Variants in TMEM209 observed in about 807,000 individuals in gnomAD.
TMEM209 encodes the protein testicular tissue protein Li 202.
Under a neutral mutation model 76.2 loss-of-function variants are expected in TMEM209, and 65 were observed. The observed-to-expected ratio is 0.85, with a 90% CI of 0.70 to 1.05. The LOEUF is 1.05. Ranked by LOEUF, TMEM209 falls within the 50% of genes least tolerant of loss-of-function variation. The pLI, the probability that TMEM209 is intolerant of heterozygous loss-of-function variation, is 0.00. For synonymous variants in TMEM209, 239 were observed against 237.6 expected, an observed-to-expected ratio of 1.01 and a Z score of -0.06; for missense variants, 623 against 685.5, an observed-to-expected ratio of 0.91 and a Z score of 1.02.
chr7:130,183,077 A>G (rs1055356590), intron 8 of TMEM209, among the ~76,000 whole-genome samples: 1 of 152,246 alleles, frequency 6.6e-6, no homozygotes, highest in Non-Finnish European at 1.5e-5. Flanking sequence ...AGATGAGGAA[A>G]TGTATTTGTA....
At chr7:130,200,114 CAGAT>C (rs1364127038) in intron 5 of TMEM209, among the ~76,000 whole-genome samples, 1 of 151,958 alleles carries the variant, frequency 6.6e-6, no homozygotes, top group East Asian at 1.9e-4. Context: ...AGGAGATAAA[CAGAT>C]AGGACTATTA....
chr7:130,194,853 C>T (rs1473139194), intron 5 of TMEM209, among the ~76,000 whole-genome samples: 1 of 152,088 alleles, frequency 6.6e-6, no homozygotes, highest in African/African-American at 2.4e-5. Context: ...GTCTTATTAT[C>T]ACTTCGTATT....
chr7:130,181,723 G>T lies in TMEM209; in HGVS notation c.1024-4C>A, dbSNP rs1797420600. 2 of 1,599,728 alleles carry T rather than the reference G, an allele frequency of 1.3e-6. No homozygotes were observed. The highest frequency in any genetic ancestry group is 1.7e-6 in the Non-Finnish European group (2 of 1,172,152). On this transcript the variant is annotated splice_polypyrimidine_tract_variant and splice_region_variant and intron_variant, in intron 8 of 14. Coordinates refer to ENST00000397622, the MANE Select transcript of TMEM209 (RefSeq NM_032842.4). ...CTAATATTGTCTCATTGATCCACTAGAAGAAATAAGGTACAGATTTTGGAT... is the reference window on the plus strand; with the variant it reads ...CTAATATTGTCTCATTGATCCACTATAAGAAATAAGGTACAGATTTTGGAT...
chr7:130,203,750 T>C (rs1456260733), intron 3 of TMEM209, 38 bp downstream of exon 3: 2 of 1,537,404 alleles, frequency 1.3e-6, no homozygotes, highest in Non-Finnish European at 1.8e-6. Flanking sequence ...CAGTTTTTTA[T>C]TGGTAAATGT....
intron 10 of TMEM209, 35 bp from the exon 11 acceptor site, chr7:130,175,644 A>C: frequency 6.6e-7 from 1 of 1,521,480 alleles, no homozygotes; most frequent in Non-Finnish European, 8.9e-7. Context: ...AAAAGCTAAG[A>C]GTATGCAAAA....
chr7:130,173,774 G>A, intron 12 of TMEM209, 45 bp from the exon 13 acceptor site: 1 of 1,605,556 alleles, frequency 6.2e-7, no homozygotes, highest in Non-Finnish European at 8.5e-7. Context: ...CAAACCCCCA[G>A]AGATATTTTG....
rs1350136181 is a variant in TMEM209 at position 130,165,808 on chromosome 7, AG to A, written c.*642del. 2.0e-5 allele frequency: 3 copies of A among 152,018 alleles called. No individual in the cohort carries two copies. The highest frequency in any genetic ancestry group is 7.3e-5 in the African/African-American group (3 of 41,372). 9.4% of individuals were successfully genotyped at this position (152,018 alleles called of 1,614,324 possible). On this transcript the variant is annotated 3_prime_UTR_variant, in exon 15 of 15. Coordinates refer to ENST00000397622, the MANE Select transcript of TMEM209 (RefSeq NM_032842.4). ...CGCAGTGGCTCGCACCTATAATCCC[AG>A]CACTTTGGGAGGCCGAGGTGGGTGG... is the stretch of plus-strand genomic sequence containing the variant.
In TMEM209 at chr7:130,205,309, C is replaced by T. The variant is rs372339905; in HGVS notation, c.3+64G>A. 3,835 of 1,613,638 alleles carry T rather than the reference C, an allele frequency of 2.4e-3. 10 individuals carry two copies. Among genetic ancestry groups the T allele is most frequent in the Non-Finnish European group, 2.8e-3 (3,278 of 1,179,892 alleles). ...TGAACCCAGGACAGATCAGCAGGCG[C>T]GGAACTCCCACAACCCGCGTAGATT... On this transcript the variant is annotated intron_variant, in intron 1 of 14. Transcript: ENST00000397622.
In TMEM209 at chr7:130,201,688, GTTGTGT is replaced by G. The variant is rs1418247720; in HGVS notation, c.573+156_573+161del. 49 of 858,156 alleles carry G rather than the reference GTTGTGT, an allele frequency of 5.7e-5. No individual in the cohort carries two copies. In the African/African-American group the frequency reaches 7.9e-4, roughly 14 times the overall value. 53.2% of individuals were successfully genotyped at this position (858,156 alleles called of 1,614,324 possible). ...AATTTTTTCTCTTTCATTTTAAGAT[GTTGTGT>G]TTAAGATATTATGTTCTATTCTCGG... is the stretch of plus-strand genomic sequence containing the variant. On this transcript the variant is annotated intron_variant, in intron 5 of 14. Transcript: ENST00000397622.
intron 14 of TMEM209, among the ~76,000 whole-genome samples, chr7:130,167,114 G>C (rs1426247146): frequency 6.6e-6 from 1 of 152,052 alleles, no homozygotes; most frequent in East Asian, 1.9e-4. Flanking sequence ...GAAGAATCAA[G>C]AGAGCTGTAT....
At chr7:130,181,993 T>G (rs1015339316) in intron 8 of TMEM209, 44 of 295,696 alleles carry the variant, frequency 1.5e-4, no homozygotes, top group Middle Eastern at 1.3e-3. Flanking sequence ...CAGGCTGGAG[T>G]GCAATGGCGC....
chr7:130,171,798 G>A (rs1459571344), intron 13 of TMEM209, among the ~76,000 whole-genome samples: 1 of 152,146 alleles, frequency 6.6e-6, no homozygotes, highest in Non-Finnish European at 1.5e-5. Flanking sequence ...GGGTGGGCAA[G>A]GCAGGCGGAT....
intron 5 of TMEM209, among the ~76,000 whole-genome samples, chr7:130,196,948 C>T (rs1229412016): frequency 6.6e-6 from 1 of 152,076 alleles, no homozygotes; most frequent in Non-Finnish European, 1.5e-5. Flanking sequence ...GGTATGGGGC[C>T]AGGTGTGGTG....
At chr7:130,175,689 AG>A in intron 10 of TMEM209, 80 bp from the exon 11 acceptor site, 1 of 1,086,692 alleles carries the variant, frequency 9.2e-7, no homozygotes, top group Middle Eastern at 2.0e-4. Context: ...GAATATAATA[AG>A]GGAAGCAAAT....
At chr7:130,204,182 T>A (rs1691176364) in intron 1 of TMEM209, 72 bp from the exon 2 acceptor site, 2 of 1,499,498 alleles carry the variant, frequency 1.3e-6, no homozygotes, top group East Asian at 2.4e-5. Context: ...AAATTTTGCA[T>A]CCCTTATAAA....
intron 6 of TMEM209, among the ~76,000 whole-genome samples, chr7:130,189,525 T>G (rs2117008253): frequency 6.6e-6 from 1 of 152,254 alleles, no homozygotes; most frequent in Non-Finnish European, 1.5e-5. Flanking sequence ...GAAGATGTCT[T>G]GGTCTTAGGA....
intron 1 of TMEM209, 144 bp downstream of exon 1, chr7:130,205,229 C>T (rs1314531888): frequency 6.3e-7 from 1 of 1,595,264 alleles, no homozygotes; most frequent in Non-Finnish European, 8.5e-7. Context: ...AACCCTATTG[C>T]TTCTTTCTTC....
chr7:130,199,217 A>T (rs2633376), intron 5 of TMEM209, among the ~76,000 whole-genome samples: 151,562 of 152,194 alleles, frequency 1, 75,468 homozygotes, highest in Middle Eastern at 1. Flanking sequence ...TCACCTTTTT[A>T]ATTTTTTTAT....
At position 130,192,792 on chromosome 7, in the gene TMEM209, G is replaced by C. The variant is rs754213345; in HGVS notation, c.605C>G (p.Pro202Arg). Residue 202 changes from proline to arginine, a missense_variant, in exon 6 of 15, where the codon CCG (proline) becomes CGG (arginine). By Grantham distance (103) the Pro-to-Arg change is moderately radical (BLOSUM62 -2). Transcript: ENST00000397622. ...LASFSPSPPS[P>R]YPTTVGPVES... is the part of the protein sequence containing the mutation. ...CACTGGTCCAACAGTGGTAGGGTAC[G>C]GAGAAGGAGGAGAGGGGCTAAAGCT... 5.0e-6 allele frequency: 8 copies of C among 1,613,910 alleles called. No homozygotes were observed. The East Asian group carries it at 1.1e-4, about 22-fold the overall frequency.
Sources: gnomAD v4.1 joint callset for allele counts (sites outside exome capture counted in the v4.1 genomes callset) on GRCh38, gnomAD v4.1.1 for gene constraint, MANE v1.5 for transcripts, NCBI Gene and HGNC (gene_info 2026-07-23, HGNC 2026-07-21) for gene names.